The following GAREM1 variants were observed in gnomAD, a reference collection of about 807,000 sequenced individuals.
GAREM1 encodes the protein GRB2-associated and regulator of MAPK protein 1.
GAREM1 carries 26 observed loss-of-function variants against 71.3 expected under a neutral mutation model. That is an observed-to-expected ratio of 0.36 (90% CI 0.27 to 0.51). The LOEUF is 0.51. Among genes scored for constraint, GAREM1 ranks in the 20% least tolerant of loss-of-function variants. The pLI, the probability that GAREM1 is intolerant of heterozygous loss-of-function variation, is 0.95. For synonymous variants in GAREM1, 440 were observed against 433.2 expected, an observed-to-expected ratio of 1.02 and a Z score of -0.20; for missense variants, 1,026 against 1,103.1, an observed-to-expected ratio of 0.93 and a Z score of 0.99.
chr18:32,458,407 T>TA (rs2048918270), intron 1 of GAREM1, among the ~76,000 whole-genome samples: 1 of 152,046 alleles, frequency 6.6e-6, no homozygotes, highest in Admixed American at 6.6e-5. Context: ...AGAGGACAGT[T>TA]ACAACAGTGA....
chr18:32,384,173 C>T (rs140118943), intron 2 of GAREM1, among the ~76,000 whole-genome samples: 103 of 152,302 alleles, frequency 6.8e-4, no homozygotes, highest in Non-Finnish European at 1.2e-3. Flanking sequence ...AAACCAGCCA[C>T]AGCTGGGAGC....
At chr18:32,378,408 G>A (rs987219671) in intron 2 of GAREM1, among the ~76,000 whole-genome samples, 3 of 150,802 alleles carry the variant, frequency 2.0e-5, no homozygotes, top group African/African-American at 4.9e-5. Context: ...GCTGAGGCAC[G>A]AGAATCTCTT....
At chr18:32,369,987 C>T (rs113304642) in intron 2 of GAREM1, among the ~76,000 whole-genome samples, 7 of 152,312 alleles carry the variant, frequency 4.6e-5, no homozygotes, top group Middle Eastern at 3.4e-3. Context: ...AGCTGCTACA[C>T]GCATCACCAG....
chr18:32,358,305 C>T (rs2047825904), intron 2 of GAREM1, among the ~76,000 whole-genome samples: 1 of 152,044 alleles, frequency 6.6e-6, no homozygotes, highest in Non-Finnish European at 1.5e-5. Flanking sequence ...GGGAAGGGAA[C>T]TGCCTGCAGG....
In GAREM1 at chr18:32,470,324, G is replaced by C. The variant is rs751694952; in HGVS notation, c.105C>G (p.Ile35Met). 2 of 1,558,900 alleles carry C rather than the reference G, an allele frequency of 1.3e-6. No individual in the cohort carries two copies. The highest frequency in any genetic ancestry group is 1.8e-5 in the Admixed American group (1 of 54,786). The stretch of plus-strand genomic sequence containing the variant: ...GGGACTCACCGTTGTCCAGGCGCGC[G>C]ATCTGGGGCAGCCGGTAAGTGCTGA... Reference protein sequence around the residue: ...LLVSTYRLPQIARLDNGECVE... With the variant: ...LLVSTYRLPQMARLDNGECVE... Residue 35 changes from isoleucine to methionine, a missense_variant, in exon 1 of 6, where the codon ATC becomes ATG. Physicochemically the swap from Ile to Met is conservative, Grantham distance 10. Coordinates refer to ENST00000269209, the MANE Select transcript of GAREM1 (RefSeq NM_001242409.2). This position sits in a 1 kb window ranked among gnomAD's most constrained non-coding sequence, Gnocchi z 4.4.
chr18:32,364,013 T>TGTG (rs2047897636), intron 2 of GAREM1, among the ~76,000 whole-genome samples: 1 of 67,892 alleles, frequency 1.5e-5, no homozygotes, highest in Non-Finnish European at 2.7e-5. Flanking sequence ...TATATATATA[T>TGTG]ATATATATAT....
chr18:32,280,770 A>G (rs2046943664), intron 4 of GAREM1, among the ~76,000 whole-genome samples: 2 of 152,214 alleles, frequency 1.3e-5, no homozygotes, highest in South Asian at 4.1e-4. Flanking sequence ...TTAGAAACCC[A>G]GCAGAATGAA....
At chr18:32,271,429 C>T (rs1262279820) in intron 4 of GAREM1, among the ~76,000 whole-genome samples, 2 of 152,136 alleles carry the variant, frequency 1.3e-5, no homozygotes, top group African/African-American at 4.8e-5. Flanking sequence ...CTTGCATCTA[C>T]TTGCCTGGGC....
chr18:32,464,177 G>A (rs1027094197), intron 1 of GAREM1, among the ~76,000 whole-genome samples: 1 of 151,970 alleles, frequency 6.6e-6, no homozygotes, highest in Non-Finnish European at 1.5e-5. Flanking sequence ...TGTAAGCCCA[G>A]CTACTTGGGA....
At chr18:32,343,046 TCC>T (rs1598975282) in intron 2 of GAREM1, among the ~76,000 whole-genome samples, 1 of 152,244 alleles carries the variant, frequency 6.6e-6, no homozygotes, top group African/African-American at 2.4e-5. Flanking sequence ...CTGATATTCA[TCC>T]CAAATGGTAA....
chr18:32,295,031 A>G (rs1158360029), intron 3 of GAREM1, among the ~76,000 whole-genome samples: 1 of 152,090 alleles, frequency 6.6e-6, no homozygotes, highest in Non-Finnish European at 1.5e-5. Context: ...TCTATATCCA[A>G]TTAAGATGGT....
intron 1 of GAREM1, among the ~76,000 whole-genome samples, chr18:32,399,517 A>C (rs1242544011): frequency 1.3e-5 from 2 of 152,232 alleles, no homozygotes. Flanking sequence ...AAGCATTCTT[A>C]TACAACAGTA....
intron 1 of GAREM1, among the ~76,000 whole-genome samples, chr18:32,451,041 T>G (rs550108468): frequency 6.6e-6 from 1 of 152,034 alleles, no homozygotes; most frequent in East Asian, 1.9e-4. Flanking sequence ...CCCAGCTACT[T>G]AGAGGGGCTG....
At chr18:32,428,255 T>C (rs961504676) in intron 1 of GAREM1, among the ~76,000 whole-genome samples, 1 of 152,220 alleles carries the variant, frequency 6.6e-6, no homozygotes, top group African/African-American at 2.4e-5. Flanking sequence ...AACTTAAACA[T>C]GGTATTGTAA....
chr18:32,371,518 T>G (rs2047979597), intron 2 of GAREM1, among the ~76,000 whole-genome samples: 1 of 152,198 alleles, frequency 6.6e-6, no homozygotes, highest in Non-Finnish European at 1.5e-5. Flanking sequence ...GTGGGATTTT[T>G]AATCACAGGA....
intron 2 of GAREM1, among the ~76,000 whole-genome samples, chr18:32,380,059 A>T (rs542887414): frequency 6.6e-6 from 1 of 152,264 alleles, no homozygotes; most frequent in East Asian, 1.9e-4. Flanking sequence ...TCCCCCCTGA[A>T]TTTTTCCGCC....
At chr18:32,413,345 G>GA in intron 1 of GAREM1, 1 of 745,850 alleles carries the variant, frequency 1.3e-6, no homozygotes, top group Non-Finnish European at 2.2e-6. Flanking sequence ...CATAAAACTT[G>GA]AAAGAAACAA....
At chr18:32,412,476 C>T (rs1356974088) in intron 1 of GAREM1, 2 of 1,593,516 alleles carry the variant, frequency 1.3e-6, no homozygotes, top group Non-Finnish European at 1.7e-6. Flanking sequence ...ATATCTACCA[C>T]CAGCACGGCT....
intron 2 of GAREM1, among the ~76,000 whole-genome samples, chr18:32,373,467 A>G (rs2048005467): frequency 6.6e-6 from 1 of 152,106 alleles, no homozygotes; most frequent in Non-Finnish European, 1.5e-5. Flanking sequence ...ATGCGAGTGG[A>G]GCTGCTCTGA....
Sources: allele counts gnomAD v4.1 joint callset (sites outside exome capture counted in the v4.1 genomes callset), GRCh38; gene constraint gnomAD v4.1.1; non-coding constraint Gnocchi (gnomAD v3.1); transcripts MANE v1.5; gene names NCBI Gene and HGNC (gene_info 2026-07-23, HGNC 2026-07-21).